The following ACSM2B variants were observed in gnomAD, a reference collection of about 807,000 sequenced individuals.
ACSM2B encodes the protein acyl-coenzyme A synthetase ACSM2B, mitochondrial.
Under a neutral mutation model 78.6 loss-of-function variants are expected in ACSM2B, and 58 were observed. The ratio of observed to expected loss-of-function variants is 0.74; its 90% CI spans 0.60 to 0.92. The LOEUF (loss-of-function observed/expected upper bound fraction) is 0.92, where lower values mean the gene tolerates loss of function less well. Ranked by LOEUF, ACSM2B falls within the 40% of genes least tolerant of loss-of-function variation. The pLI, the probability that ACSM2B is intolerant of heterozygous loss-of-function variation, is 0.00. For missense variants in ACSM2B, 688 were observed against 711.2 expected, an observed-to-expected ratio of 0.97 and a Z score of 0.37; for synonymous variants, 257 against 256.8, an observed-to-expected ratio of 1.00 and a Z score of -0.01.
intron 6 of ACSM2B, among the ~76,000 whole-genome samples, chr16:20,551,039 C>T (rs1780090100): frequency 6.6e-6 from 1 of 152,130 alleles, no homozygotes; most frequent in Admixed American, 6.5e-5. Context: ...ACATGCAACA[C>T]ATGGACTAAT....
intron 1 of ACSM2B, among the ~76,000 whole-genome samples, chr16:20,566,645 C>CTATATATACTATATATAGTATA (rs375962180): frequency 4.3e-4 from 5 of 11,606 alleles, no homozygotes; most frequent in African/African-American, 1.7e-3. Flanking sequence ...TATATATATA[C>CTATATATACTATATATAGTATA]TATACTATAT....
At chr16:20,552,541 T>C (rs12102965) in intron 5 of ACSM2B, among the ~76,000 whole-genome samples, 3,698 of 152,246 alleles carry the variant, frequency 0.024, 160 homozygotes, top group African/African-American at 0.086. Context: ...CATGACTTAA[T>C]ATATAATTGG....
chr16:20,543,488 T>G (rs575706227), intron 10 of ACSM2B, among the ~76,000 whole-genome samples: 3 of 152,342 alleles, frequency 2.0e-5, no homozygotes, highest in Non-Finnish European at 2.9e-5. Flanking sequence ...GCTACTCCTC[T>G]AGGTCCAGTC....
intron 1 of ACSM2B, among the ~76,000 whole-genome samples, chr16:20,567,010 A>G (rs942659706): frequency 4.8e-5 from 6 of 124,562 alleles, no homozygotes; most frequent in Non-Finnish European, 9.8e-5. Context: ...CTGTGTATAC[A>G]CCATATTGTT....
chr16:20,538,329 C>T (rs1336060707), intron 13 of ACSM2B, among the ~76,000 whole-genome samples: 1 of 152,182 alleles, frequency 6.6e-6, no homozygotes, highest in African/African-American at 2.4e-5. Flanking sequence ...CTTCCTGTTT[C>T]TGTCAATAAA....
intron 1 of ACSM2B, among the ~76,000 whole-genome samples, chr16:20,572,605 A>G (rs1168633999): frequency 2.0e-5 from 3 of 147,928 alleles, no homozygotes; most frequent in African/African-American, 7.7e-5. Context: ...AGCTTCTTAT[A>G]TTTGGATGTC....
chr16:20,541,510 C>G (rs1260466524), intron 12 of ACSM2B, among the ~76,000 whole-genome samples: 1 of 152,004 alleles, frequency 6.6e-6, no homozygotes, highest in Non-Finnish European at 1.5e-5. Context: ...TCCTTTGGCT[C>G]AAATCCCTCC....
chr16:20,570,515 C>T (rs1393448684), intron 1 of ACSM2B, among the ~76,000 whole-genome samples: 10 of 151,692 alleles, frequency 6.6e-5, no homozygotes, highest in African/African-American at 2.2e-4. Flanking sequence ...TATTGGTCTG[C>T]AGTTTTCTTT....
At chr16:20,569,845 A>T (rs953456854) in intron 1 of ACSM2B, among the ~76,000 whole-genome samples, 11 of 151,852 alleles carry the variant, frequency 7.2e-5, no homozygotes, top group Non-Finnish European at 1.3e-4. Context: ...TGAGTTCTTG[A>T]TTTAATTCTC....
At chr16:20,558,948 T>C (rs1270452892) in intron 3 of ACSM2B, among the ~76,000 whole-genome samples, 4 of 152,222 alleles carry the variant, frequency 2.6e-5, no homozygotes, top group Non-Finnish European at 5.9e-5. Context: ...CCACTTATCA[T>C]AATTCTGATT....
At chr16:20,551,675 A>G (rs909316327) in intron 6 of ACSM2B, among the ~76,000 whole-genome samples, 1 of 152,092 alleles carries the variant, frequency 6.6e-6, no homozygotes. Context: ...TTATTTTCAA[A>G]CTGTACACAT....
chr16:20,563,490 T>C (rs1296981598), intron 2 of ACSM2B, among the ~76,000 whole-genome samples: 2 of 152,154 alleles, frequency 1.3e-5, no homozygotes, highest in Non-Finnish European at 2.9e-5. Context: ...GATGTTTATA[T>C]AGCAAATTTA....
intron 10 of ACSM2B, among the ~76,000 whole-genome samples, chr16:20,543,891 C>A (rs1312097054): frequency 6.6e-6 from 1 of 152,120 alleles, no homozygotes; most frequent in Non-Finnish European, 1.5e-5. Flanking sequence ...GAATTCTTAG[C>A]CTCACTCCAT....
At chr16:20,549,242 T>A (rs1224898485) in intron 6 of ACSM2B, among the ~76,000 whole-genome samples, 4 of 152,180 alleles carry the variant, frequency 2.6e-5, no homozygotes, top group African/African-American at 7.2e-5. Context: ...ATTGTCTTAA[T>A]CTGTTTTCTG....
chr16:20,559,447 C>T lies in ACSM2B; in HGVS notation c.178G>A (p.Ala60Thr). The change falls in exon 3 of 14, where the codon GCT becomes ACT. Residue 60 changes from alanine to threonine, a missense_variant and splice_region_variant. Physicochemically the swap from Ala to Thr is moderately conservative, Grantham distance 58. Coordinates refer to ENST00000329697, the MANE Select transcript of ACSM2B (RefSeq NM_001105069.2). ...GCTGGGCTTGGGAGTCGCTTGCCAG[C>T]CTGAGGAAAGAGAAACCCTGTTGAT... ...VLDHWADMEK[A>T]GKRLPSPALW... is the part of the protein sequence containing the mutation. 3.7e-6 allele frequency: 6 copies of T among 1,612,704 alleles called. No homozygotes were observed. Among genetic ancestry groups the T allele is most frequent in the Non-Finnish European group, 5.1e-6 (6 of 1,179,350 alleles).
Position 20,553,871 on chromosome 16 carries a change from A to T in ACSM2B, c.646T>A (p.Ser216Thr), listed in dbSNP as rs2015390235. The change falls in exon 5 of 14, where the codon TCT (serine) becomes ACT (threonine). Residue 216 changes from serine to threonine, a missense_variant. Transcript: ENST00000329697. ...GTCCCACTAGTGAAGTAGATGGCAG[A>T]TGCTTCCTGGCTTCCAGTCTCCACA... is the stretch of plus-strand genomic sequence containing the variant. ...HCVETGSQEA[S>T]AIYFTSGTSG... 1 of 1,613,788 alleles carries T rather than the reference A, an allele frequency of 6.2e-7. No homozygotes were observed. The highest frequency in any genetic ancestry group is 1.3e-5 in the African/African-American group (1 of 74,914).
At chr16:20,540,364 T>A (rs1453216595) in intron 13 of ACSM2B, among the ~76,000 whole-genome samples, 3 of 151,946 alleles carry the variant, frequency 2.0e-5, no homozygotes, top group Non-Finnish European at 4.4e-5. Flanking sequence ...TGCCTCAGCC[T>A]CCTGAGTAGC....
rs77922582 is a variant in ACSM2B at position 20,542,926 on chromosome 16, G to A, written c.1497C>T (p.Pro499=). 0.035 allele frequency: 56,612 copies of A among 1,613,410 alleles called. 2,254 individuals carry two copies. The highest frequency in any genetic ancestry group is 0.18 in the East Asian group (8,113 of 44,864). Residue 499 remains proline, a synonymous_variant, in exon 12 of 14, where the codon CCC becomes CCT. Transcript: ENST00000329697. ...VETAVISSPD[P]VRGEVVKAFV... ...GCTTCCCCATCACCTCTCCTCGGACGGGGTCTGGGCTGCTGATCACAGCCG... is the reference window on the plus strand; with the variant it reads ...GCTTCCCCATCACCTCTCCTCGGACAGGGTCTGGGCTGCTGATCACAGCCG...
chr16:20,555,217 G>T, intron 4 of ACSM2B, 52 bp downstream of exon 4: 4 of 1,611,874 alleles, frequency 2.5e-6, no homozygotes, highest in Non-Finnish European at 3.4e-6. Flanking sequence ...TAAGTGCTTG[G>T]CTCTGTTTCC....
Sources: gnomAD v4.1 joint callset for allele counts (sites outside exome capture counted in the v4.1 genomes callset) on GRCh38, gnomAD v4.1.1 for gene constraint, MANE v1.5 for transcripts, NCBI Gene and HGNC (gene_info 2026-07-23, HGNC 2026-07-21) for gene names.